The following SCNN1B variants were observed in gnomAD, a reference collection of about 807,000 sequenced individuals.
The protein encoded by SCNN1B is epithelial sodium channel subunit beta.
A neutral mutation model predicts 65.3 loss-of-function variants in SCNN1B; 46 were observed. The ratio of observed to expected loss-of-function variants is 0.70; its 90% CI spans 0.56 to 0.90. SCNN1B has a LOEUF of 0.90. SCNN1B is among the 40% of genes least tolerant of loss of function. SCNN1B has a pLI of 0.00. For missense variants in SCNN1B, 751 were observed against 830.5 expected (o/e 0.90, Z 1.18); for synonymous variants, 349 against 330.6 (o/e 1.06, Z -0.60).
At chr16:23,335,308 G>A (rs1260784351) in intron 1 of SCNN1B, among the ~76,000 whole-genome samples, 1 of 152,156 alleles carries the variant, frequency 6.6e-6, no homozygotes, top group African/African-American at 2.4e-5. Flanking sequence ...CCACTTTCTT[G>A]TGTGACCTGG....
intron 4 of SCNN1B, chr16:23,359,137 C>T (rs1333039390): frequency 6.6e-6 from 1 of 152,114 alleles, no homozygotes; most frequent in Non-Finnish European, 1.5e-5. Flanking sequence ...CCAGGCTGGT[C>T]TCAAACTCCT....
intron 1 of SCNN1B, among the ~76,000 whole-genome samples, chr16:23,280,779 T>C (rs1221873277): frequency 6.6e-6 from 1 of 152,198 alleles, no homozygotes; most frequent in East Asian, 1.9e-4. Context: ...CACCAGCCCC[T>C]AGCACAGGAT....
chr16:23,305,561 TATATATATATATATATTATA>T (rs1567290369), intron 1 of SCNN1B, among the ~76,000 whole-genome samples: 8,259 of 67,350 alleles, frequency 0.12, 922 homozygotes, highest in East Asian at 0.25. Flanking sequence ...TATATATATA[TATATATATATATATATTATA>T]TATATATATA....
In SCNN1B at chr16:23,352,967, C is replaced by T. The variant is rs750648378; in HGVS notation, c.478C>T (p.His160Tyr). 6.2e-7 allele frequency: 1 copy of T among 1,614,050 alleles called. No homozygotes were observed. The highest frequency in any genetic ancestry group is 1.3e-5 in the African/African-American group (1 of 74,910). Residue 160 changes from histidine (H) to tyrosine (Y), a missense_variant, in exon 3 of 13, where the codon CAC becomes TAC. Transcript: ENST00000343070. Reference protein sequence around the residue: ...LVLIDERNPHHPMVLDLFGDN... With the variant: ...LVLIDERNPHYPMVLDLFGDN... Reference sequence around the variant, plus strand: ...CCTTATTGATGAACGGAACCCCCACCACCCCATGGTCCTTGATCTCTTTGG... The same window carrying T: ...CCTTATTGATGAACGGAACCCCCACTACCCCATGGTCCTTGATCTCTTTGG...
At chr16:23,365,578 A>G (rs1962642505) in intron 4 of SCNN1B, among the ~76,000 whole-genome samples, 1 of 82,152 alleles carries the variant, frequency 1.2e-5, no homozygotes, top group African/African-American at 1.0e-4. Context: ...AAAGAAAGAA[A>G]GAAAGAAAGA....
At position 23,315,759 on chromosome 16, in the gene SCNN1B, G is replaced by A. The variant is rs546602529; in HGVS notation, c.-9+13322G>A. ...TTCAAGTCTGCAGTGAGCCGTGATC[G>A]TGCCACCGCACTCCAGCCTTGGTGA... On this transcript the variant is annotated intron_variant, in intron 1 of 12. Transcript: ENST00000343070. 5.3e-5 allele frequency among the ~76,000 whole-genome samples: 8 copies of A among 152,280 alleles called. No individual in the cohort carries two copies. In the East Asian group the frequency reaches 7.7e-4, roughly 15 times the overall value.
chr16:23,329,122 T>A (rs1961756924), intron 1 of SCNN1B, among the ~76,000 whole-genome samples: 1 of 148,532 alleles, frequency 6.7e-6, no homozygotes, highest in Admixed American at 6.7e-5. Flanking sequence ...TCATTATTAT[T>A]ATTATTAGAG....
At chr16:23,364,035 C>T (rs1346887398) in intron 4 of SCNN1B, among the ~76,000 whole-genome samples, 3 of 151,598 alleles carry the variant, frequency 2.0e-5, no homozygotes, top group Non-Finnish European at 2.9e-5. Flanking sequence ...GGCGTGGTGG[C>T]GCATACCTGT....
At chr16:23,313,838 T>C (rs1439793794) in intron 1 of SCNN1B, among the ~76,000 whole-genome samples, 2 of 152,254 alleles carry the variant, frequency 1.3e-5, no homozygotes, top group East Asian at 1.9e-4. Context: ...CCTTGATCTC[T>C]TGACCTCGTG....
At position 23,281,756 on chromosome 16, in the gene SCNN1B, A is replaced by G. The variant is rs147495739; in HGVS notation, n.111-1981A>G. ...ATTTAAGTTTGCCTCCTGATTCTTC[A>G]TTTAACTGCTGTATGGACTGTATGA... On this transcript the variant is annotated intron_variant and non_coding_transcript_variant, in intron 1 of 3. Transcript: ENST00000569789. 1.9e-3 allele frequency among the ~76,000 whole-genome samples: 283 copies of G among 152,336 alleles called. 3 individuals carry two copies. Among genetic ancestry groups the G allele is most frequent in the African/African-American group, 6.3e-3 (263 of 41,576 alleles).
At chr16:23,309,609 T>A (rs1423869688) in intron 1 of SCNN1B, among the ~76,000 whole-genome samples, 2 of 152,214 alleles carry the variant, frequency 1.3e-5, no homozygotes, top group Non-Finnish European at 2.9e-5. Context: ...GGGAGAAAGA[T>A]GTAGCCTAGG....
At chr16:23,343,560 GAAAA>G (rs1962105999) in intron 1 of SCNN1B, among the ~76,000 whole-genome samples, 1 of 125,460 alleles carries the variant, frequency 8.0e-6, no homozygotes, top group South Asian at 2.6e-4. Flanking sequence ...AGGAAGGAAG[GAAAA>G]AAGAAAGAAA....
chr16:23,360,788 T>C (rs141585729), intron 4 of SCNN1B, among the ~76,000 whole-genome samples: 3,190 of 150,528 alleles, frequency 0.021, 118 homozygotes, highest in African/African-American at 0.073. Context: ...TTTTGGTTTT[T>C]GGTTTTGTTT....
Position 23,381,178 on chromosome 16 carries a change from C to CCTGGCCTTGG in SCNN1B, c.*385_*394dup, listed in dbSNP as rs1161157279. ...GGGTGGGCCATGTGGTTTTCTCCTT[C>CCTGGCCTTGG]CTGGCCTTGGCTGGCCTCTGGGGCA... is the stretch of plus-strand genomic sequence containing the variant. On this transcript the variant is annotated 3_prime_UTR_variant, in exon 13 of 13. Coordinates refer to ENST00000343070, the MANE Select transcript of SCNN1B (RefSeq NM_000336.3). 4 of 303,914 alleles carry CCTGGCCTTGG rather than the reference C, an allele frequency of 1.3e-5. No individual in the cohort carries two copies. Among genetic ancestry groups the CCTGGCCTTGG allele is most frequent in the Non-Finnish European group, 2.5e-5 (4 of 159,178 alleles). The allele number at this position is 303,914 out of a possible 1,614,324, so 18.8% of individuals were successfully genotyped here.
At chr16:23,309,849 C>T (rs1470034911) in intron 1 of SCNN1B, among the ~76,000 whole-genome samples, 3 of 152,198 alleles carry the variant, frequency 2.0e-5, no homozygotes, top group Admixed American at 6.5e-5. Context: ...ATCACAGCCA[C>T]CTTATAAAGA....
chr16:23,378,041 C>T (rs1596890537), intron 10 of SCNN1B, among the ~76,000 whole-genome samples: 1 of 152,058 alleles, frequency 6.6e-6, no homozygotes, highest in South Asian at 2.1e-4. Flanking sequence ...CAGGGGCTTC[C>T]TCTGTCGCCC....
chr16:23,344,899 TG>T (rs1962153049), intron 1 of SCNN1B, among the ~76,000 whole-genome samples: 1 of 151,778 alleles, frequency 6.6e-6, no homozygotes, highest in South Asian at 2.1e-4. Flanking sequence ...GTGGCTAAGG[TG>T]GGAGGATCAC....
At chr16:23,294,176 A>G (rs1184167476) in intron 2 of SCNN1B, among the ~76,000 whole-genome samples, 2 of 152,094 alleles carry the variant, frequency 1.3e-5, no homozygotes, top group Non-Finnish European at 2.9e-5. Context: ...CCTGGCCAAC[A>G]TAACAGAACC....
In SCNN1B at chr16:23,292,419, G is replaced by A. The variant is rs377221790; in HGVS notation, n.178+8615G>A. ...TCACTGTGTTAGTCAGGATGGTCTC[G>A]ATCTCCTGACCTCGTGATCCGCCCG... On this transcript the variant is annotated intron_variant and non_coding_transcript_variant, in intron 2 of 3. Coordinates refer to the SCNN1B transcript ENST00000569789. Among the ~76,000 whole-genome samples the A allele has an allele frequency of 9.2e-5, 14 of 151,814 alleles. 1 individual carries two copies. Among genetic ancestry groups the A allele is most frequent in the South Asian group, 6.2e-4 (3 of 4,818 alleles).
Sources: allele counts gnomAD v4.1 joint callset (sites outside exome capture counted in the v4.1 genomes callset), GRCh38; gene constraint gnomAD v4.1.1; transcripts MANE v1.5; gene names NCBI Gene and HGNC (gene_info 2026-07-23, HGNC 2026-07-21).